PDGFC: variants seen among roughly 807,000 people sequenced by gnomAD.
PDGFC encodes platelet-derived growth factor C.
Under a neutral mutation model 35.5 loss-of-function variants are expected in PDGFC, and 12 were observed. That is an observed-to-expected ratio of 0.34 (90% confidence interval 0.22 to 0.55). The LOEUF is 0.55. PDGFC is among the 20% of genes least tolerant of loss of function. The probability of loss-of-function intolerance (pLI) is 0.91; values close to 1 mark genes in which losing one functional copy is unlikely to be tolerated. For synonymous variants in PDGFC, 159 were observed against 148.8 expected (o/e 1.07, Z -0.50); for missense variants, 322 against 412.4 (o/e 0.78, Z 1.90).
chr4:156,885,156 T>TAC (rs36049782), intron 1 of PDGFC, among the ~76,000 whole-genome samples: 30,485 of 126,878 alleles, frequency 0.24, 3,389 homozygotes, highest in South Asian at 0.51. Flanking sequence ...TGTGCATACA[T>TAC]ACACACACAC....
chr4:156,805,113 T>C (rs1731724369), intron 3 of PDGFC, among the ~76,000 whole-genome samples: 1 of 152,044 alleles, frequency 6.6e-6, no homozygotes, highest in Non-Finnish European at 1.5e-5. Context: ...GAGAGCATTG[T>C]GCCCATGGAG....
chr4:156,926,050 A>AG (rs35863667), intron 1 of PDGFC, among the ~76,000 whole-genome samples: 1 of 9,958 alleles, frequency 1.0e-4, no homozygotes, highest in East Asian at 5.8e-3. Context: ...GATCTGTCTC[A>AG]AAAAAAAAAA....
rs192545646 is a variant in PDGFC, at chr4:156,842,818, T to C, written c.314+7403A>G. Among the ~76,000 whole-genome samples, 9 of 152,348 alleles carry C rather than the reference T, an allele frequency of 5.9e-5. No homozygotes were observed. In the East Asian group the frequency reaches 1.7e-3, roughly 29 times the overall value. ...CACCTGTTATTTTATTTTCAGTAACTGTTCGTGAGTGTCCATTAGGTACTA... is the reference window on the plus strand; with the variant it reads ...CACCTGTTATTTTATTTTCAGTAACCGTTCGTGAGTGTCCATTAGGTACTA... On this transcript the variant is annotated intron_variant, in intron 2 of 5. Coordinates refer to ENST00000502773, the MANE Select transcript of PDGFC (RefSeq NM_016205.3).
chr4:156,788,169 T>C (rs1306837110), intron 3 of PDGFC, among the ~76,000 whole-genome samples: 1 of 151,736 alleles, frequency 6.6e-6, no homozygotes, highest in African/African-American at 2.4e-5. Flanking sequence ...GTCTCACCGA[T>C]AAGAAGTCAA....
In PDGFC at chr4:156,919,919, C is replaced by T. The variant is rs184851679; in HGVS notation, c.118+50867G>A. 2.6e-5 allele frequency among the ~76,000 whole-genome samples: 4 copies of T among 152,244 alleles called. No homozygotes were observed. In the East Asian group the frequency reaches 7.8e-4, roughly 30 times the overall value. ...GTGGTCTAGTGGGAGGGGTTTGGATCATGAGTGTCAGTCCCTCATGAATGG... is the reference window on the plus strand; with the variant it reads ...GTGGTCTAGTGGGAGGGGTTTGGATTATGAGTGTCAGTCCCTCATGAATGG... On this transcript the variant is annotated intron_variant, in intron 1 of 5. Transcript: ENST00000502773.
At chr4:156,900,871 AGGAAGGAGGGAGGAAAGGAG>A (rs1730752000) in intron 1 of PDGFC, among the ~76,000 whole-genome samples, 1 of 137,182 alleles carries the variant, frequency 7.3e-6, no homozygotes, top group Non-Finnish European at 1.6e-5. Context: ...GCAAGGATGA[AGGAAGGAGGGAGGAAAGGAG>A]GGAAGGAGGG....
intron 3 of PDGFC, chr4:156,774,439 C>A (rs2110823141): frequency 6.6e-6 from 1 of 152,244 alleles, no homozygotes; most frequent in African/African-American, 2.4e-5. Context: ...CATCACTGTC[C>A]CACAGCCCTC....
At chr4:156,955,703 G>A (rs766019321) in intron 1 of PDGFC, among the ~76,000 whole-genome samples, 2 of 151,904 alleles carry the variant, frequency 1.3e-5, no homozygotes, top group Non-Finnish European at 2.9e-5. Context: ...AGGAATTGGC[G>A]CAGAAGGCTA....
At chr4:156,858,109 G>A (rs926137909) in intron 1 of PDGFC, among the ~76,000 whole-genome samples, 4 of 152,014 alleles carry the variant, frequency 2.6e-5, no homozygotes, top group Non-Finnish European at 4.4e-5. Flanking sequence ...ATCCTGGTGC[G>A]ATTATTATTA....
In PDGFC at chr4:156,792,238, C is replaced by A. The variant is rs565603849; in HGVS notation, c.495+18599G>T. 4.7e-3 allele frequency among the ~76,000 whole-genome samples: 712 copies of A among 152,172 alleles called. 2 individuals are homozygous for A. The highest frequency in any genetic ancestry group is 0.016 in the African/African-American group (683 of 41,532). ...TAAATACTAATATCTATATAATATA[C>A]AATTTGGATAAAAGTGTAAAAAATA... is the stretch of plus-strand genomic sequence containing the variant. On this transcript the variant is annotated intron_variant, in intron 3 of 5. Transcript: ENST00000502773.
chr4:156,926,365 T>C (rs937105165), intron 1 of PDGFC, among the ~76,000 whole-genome samples: 5 of 152,010 alleles, frequency 3.3e-5, no homozygotes, highest in East Asian at 1.9e-4. Flanking sequence ...ATAAAAATGA[T>C]ACAGGAGGGG....
rs896883808 is a variant in PDGFC at position 156,971,408 on chromosome 4, G to A, written c.-505C>T. 2.0e-5 allele frequency: 6 copies of A among 300,840 alleles called. No individual in the cohort carries two copies. In the Admixed American group the frequency reaches 2.6e-4, roughly 13 times the overall value. 18.6% of individuals were successfully genotyped at this position (300,840 alleles called of 1,614,324 possible). A position where few individuals can be genotyped will look rare whatever the true frequency, so the allele number is the denominator to read the frequency against. On this transcript the variant is annotated 5_prime_UTR_variant, in exon 1 of 6. Transcript: ENST00000502773. The stretch of plus-strand genomic sequence containing the variant: ...GGCTCTCCGGGCGCCCCTCTCCCCC[G>A]CCCCACCCCCCACCCCCGAAGGGGG...
chr4:156,815,577 G>A (rs1261821356), intron 2 of PDGFC, among the ~76,000 whole-genome samples: 1 of 152,150 alleles, frequency 6.6e-6, no homozygotes, highest in Non-Finnish European at 1.5e-5. Flanking sequence ...ATCAAGAAGA[G>A]AATGAAGAGA....
At chr4:156,874,705 A>G (rs1180211840) in intron 1 of PDGFC, among the ~76,000 whole-genome samples, 1 of 151,682 alleles carries the variant, frequency 6.6e-6, no homozygotes, top group African/African-American at 2.4e-5. Flanking sequence ...GACTAAATAC[A>G]TTTTCTCTTT....
intron 3 of PDGFC, among the ~76,000 whole-genome samples, chr4:156,805,655 T>C (rs1731737263): frequency 6.6e-6 from 1 of 151,856 alleles, no homozygotes. Flanking sequence ...TTGGTTGGAG[T>C]TTTTCTTAAC....
At chr4:156,909,963 T>C (rs1731001807) in intron 1 of PDGFC, among the ~76,000 whole-genome samples, 1 of 151,880 alleles carries the variant, frequency 6.6e-6, no homozygotes, top group Non-Finnish European at 1.5e-5. Flanking sequence ...AAAATAAAGG[T>C]AAAAACTAGA....
chr4:156,964,239 A>G (rs952532399), intron 1 of PDGFC, among the ~76,000 whole-genome samples: 7 of 151,776 alleles, frequency 4.6e-5, no homozygotes, highest in Non-Finnish European at 7.4e-5. Context: ...ATTCATCACC[A>G]TCACTGAATA....
intron 1 of PDGFC, among the ~76,000 whole-genome samples, chr4:156,856,972 AC>A (rs1281412716): frequency 1.3e-5 from 2 of 151,986 alleles, no homozygotes; most frequent in Admixed American, 1.3e-4. Context: ...AATGTACCAC[AC>A]CTTGGGAATG....
chr4:156,804,184 T>G (rs1350777192), intron 3 of PDGFC, among the ~76,000 whole-genome samples: 2 of 151,794 alleles, frequency 1.3e-5, no homozygotes, highest in Non-Finnish European at 2.9e-5. Context: ...ACCAAAATCT[T>G]GAAATAAAAG....
Sources: gnomAD v4.1 joint callset for allele counts (sites outside exome capture counted in the v4.1 genomes callset) on GRCh38, gnomAD v4.1.1 for gene constraint, MANE v1.5 for transcripts, NCBI Gene and HGNC (gene_info 2026-07-23, HGNC 2026-07-21) for gene names.